The following TRMT9B variants were observed in gnomAD, a reference collection of about 807,000 sequenced individuals.
The protein encoded by TRMT9B is probable tRNA methyltransferase 9B.
In TRMT9B, 16 loss-of-function variants were observed where a neutral mutation model predicts 11.5. That is an observed-to-expected ratio of 1.39 (90% CI 0.94 to 2.11). The LOEUF is 2.11. TRMT9B is among the 30% of genes most tolerant of loss of function. The pLI is 0.00. For missense variants in TRMT9B, 941 were observed against 553.8 expected (o/e 1.70, Z -7.02); for synonymous variants, 274 against 192.4 (o/e 1.42, Z -3.51).
At position 13,012,002 on chromosome 8, in the gene TRMT9B, G is replaced by T. The variant is rs190164815; in HGVS notation, c.155-682G>T. On this transcript the variant is annotated intron_variant, in intron 3 of 4. Coordinates refer to ENST00000524591, the MANE Select transcript of TRMT9B (RefSeq NM_020844.3). ...CAGGAGAATAAAAGCCGAAACATGC[G>T]TATATACAAAATGAAATATGAATGT... 4,921 of 985,302 alleles carry T rather than the reference G, an allele frequency of 5.0e-3. 27 individuals carry two copies. The highest frequency in any genetic ancestry group is 7.0e-3 in the Admixed American group (114 of 16,266). 61.0% of individuals were successfully genotyped at this position (985,302 alleles called of 1,614,324 possible).
At chr8:12,995,010 G>T (rs1194568990) in intron 2 of TRMT9B, among the ~76,000 whole-genome samples, 1 of 152,184 alleles carries the variant, frequency 6.6e-6, no homozygotes, top group Non-Finnish European at 1.5e-5. Flanking sequence ...TCTTGCCTAC[G>T]CTTCCAGGCT....
intron 1 of TRMT9B, chr8:12,952,747 T>TTTG: frequency 1.1e-6 from 1 of 923,650 alleles, no homozygotes; most frequent in Non-Finnish European, 1.3e-6. Flanking sequence ...TGGGGTTTTT[T>TTTG]TTGTTGTTGT....
intron 1 of TRMT9B, among the ~76,000 whole-genome samples, chr8:12,953,385 T>C (rs1262643780): frequency 1.3e-5 from 2 of 152,204 alleles, no homozygotes; most frequent in African/African-American, 4.8e-5. Flanking sequence ...AGCCTCACTC[T>C]ATCGCCTAGG....
At chr8:12,969,453 A>C (rs1007688188) in intron 1 of TRMT9B, among the ~76,000 whole-genome samples, 1 of 152,112 alleles carries the variant, frequency 6.6e-6, no homozygotes, top group Non-Finnish European at 1.5e-5. Context: ...CTGTACTAAA[A>C]TTCATGGATG....
At chr8:12,983,104 C>CA (rs141273787) in intron 1 of TRMT9B, among the ~76,000 whole-genome samples, 1,716 of 152,182 alleles carry the variant, frequency 0.011, 8 homozygotes, top group Middle Eastern at 0.017. Flanking sequence ...TTGAAAATGT[C>CA]AAAAAGACCT....
chr8:12,975,539 C>G (rs1379691167), intron 1 of TRMT9B, among the ~76,000 whole-genome samples: 1 of 152,050 alleles, frequency 6.6e-6, no homozygotes, highest in Non-Finnish European at 1.5e-5. Flanking sequence ...GAGTTCGAGA[C>G]CAGCCTGGCC....
At position 13,027,893 on chromosome 8, in the gene TRMT9B, ATTTAATGATTG is replaced by A. The variant is rs1375403070; in HGVS notation, c.*5853_*5863del. On this transcript the variant is annotated 3_prime_UTR_variant, in exon 5 of 5. Transcript: ENST00000524591. ...ACTCAAAATTATGATTATTTTGATT[ATTTAATGATTG>A]TTTTGATAGTATAAACTCCATATCT... 1.8e-5 allele frequency: 3 copies of A among 167,108 alleles called. No homozygotes were observed. The highest frequency in any genetic ancestry group is 7.2e-5 in the African/African-American group (3 of 41,470). 10.4% of individuals were successfully genotyped at this position (167,108 alleles called of 1,614,324 possible).
At chr8:12,965,559 C>T (rs1304454479) in intron 1 of TRMT9B, among the ~76,000 whole-genome samples, 1 of 152,104 alleles carries the variant, frequency 6.6e-6, no homozygotes, top group African/African-American at 2.4e-5. Context: ...GTCTGATGAC[C>T]CGAAAGTCTT....
chr8:12,972,981 G>A (rs986164939), intron 1 of TRMT9B, among the ~76,000 whole-genome samples: 2 of 152,046 alleles, frequency 1.3e-5, no homozygotes, highest in African/African-American at 2.4e-5. Context: ...TAAACACTAA[G>A]CCCCTTTTAC....
chr8:12,948,716 T>A (rs139975905), intron 1 of TRMT9B, among the ~76,000 whole-genome samples: 5,843 of 152,086 alleles, frequency 0.038, 183 homozygotes, highest in African/African-American at 0.082. Flanking sequence ...ATCCCAGCAC[T>A]TTGGGAGGCC....
chr8:13,029,769 T>C lies in TRMT9B; in HGVS notation c.*7725T>C, dbSNP rs1334622232. On this transcript the variant is annotated 3_prime_UTR_variant, in exon 5 of 5. Transcript: ENST00000524591. ...TGAGATTAATAAAGATGTATTAGAT[T>C]ATCCAAAAGTGGATGTGTGCAAATG... 6.6e-6 allele frequency: 1 copy of C among 152,414 alleles called. No individual in the cohort carries two copies. Among genetic ancestry groups the C allele is most frequent in the African/African-American group, 2.4e-5 (1 of 41,468 alleles). The allele number at this position is 152,414 out of a possible 1,614,324, so 9.4% of individuals were successfully genotyped here.
intron 1 of TRMT9B, among the ~76,000 whole-genome samples, chr8:12,956,867 G>T (rs907066088): frequency 1.3e-5 from 2 of 152,104 alleles, no homozygotes; most frequent in Admixed American, 6.5e-5. Flanking sequence ...TATTGAAGTA[G>T]ATATGATTGG....
At chr8:13,008,723 C>G (rs1229865766) in intron 3 of TRMT9B, among the ~76,000 whole-genome samples, 1 of 152,006 alleles carries the variant, frequency 6.6e-6, no homozygotes, top group East Asian at 1.9e-4. Context: ...TCATAGAAAT[C>G]TAGATAATTT....
At chr8:12,998,679 A>T (rs1004610632) in intron 2 of TRMT9B, among the ~76,000 whole-genome samples, 2 of 152,206 alleles carry the variant, frequency 1.3e-5, no homozygotes, top group African/African-American at 4.8e-5. Flanking sequence ...TTGGGGACAA[A>T]ACAAAGCCTT....
rs1202541075 is a variant in TRMT9B at position 13,028,471 on chromosome 8, G to A, written c.*6427G>A. On this transcript the variant is annotated 3_prime_UTR_variant, in exon 5 of 5. Transcript: ENST00000524591. ...AAAACGAGTGAGTCACTGCAGTTAAGCCAGTGTACCTTGATGTTGAATTCC... is the reference window on the plus strand; with the variant it reads ...AAAACGAGTGAGTCACTGCAGTTAAACCAGTGTACCTTGATGTTGAATTCC... The A allele has an allele frequency of 2.4e-5, 4 of 166,918 alleles. No individual in the cohort carries two copies. The highest frequency in any genetic ancestry group is 9.7e-5 in the African/African-American group (4 of 41,394). 10.3% of individuals were successfully genotyped at this position (166,918 alleles called of 1,614,324 possible). A position where few individuals can be genotyped will look rare whatever the true frequency, so the allele number is the denominator to read the frequency against.
At chr8:13,013,581 A>T (rs1203558301) in intron 4 of TRMT9B, among the ~76,000 whole-genome samples, 1 of 151,670 alleles carries the variant, frequency 6.6e-6, no homozygotes, top group Admixed American at 6.6e-5. Context: ...TCCTATGACA[A>T]GGTTTTTTTT....
intron 1 of TRMT9B, among the ~76,000 whole-genome samples, chr8:12,970,976 C>T (rs1009010708): frequency 6.6e-6 from 1 of 152,076 alleles, no homozygotes; most frequent in African/African-American, 2.4e-5. Flanking sequence ...ATCTGTATTT[C>T]TTCATTTTTT....
intron 1 of TRMT9B, among the ~76,000 whole-genome samples, chr8:12,967,014 G>T (rs746823480): frequency 1.3e-5 from 2 of 152,108 alleles, no homozygotes; most frequent in African/African-American, 4.8e-5. Flanking sequence ...AGACACCGAC[G>T]GTGAATACTC....
intron 1 of TRMT9B, among the ~76,000 whole-genome samples, chr8:12,960,640 A>AT (rs1294393663): frequency 2.6e-5 from 4 of 152,152 alleles, no homozygotes; most frequent in Non-Finnish European, 4.4e-5. Flanking sequence ...AAAAGAAATG[A>AT]TTTTTCAAGT....
Sources: gnomAD v4.1 joint callset for allele counts (sites outside exome capture counted in the v4.1 genomes callset) on GRCh38, gnomAD v4.1.1 for gene constraint, MANE v1.5 for transcripts, NCBI Gene and HGNC (gene_info 2026-07-23, HGNC 2026-07-21) for gene names.